Variants in SYNE2 observed in about 807,000 individuals in gnomAD.
The protein encoded by SYNE2 is nesprin-2.
Under a neutral mutation model 856.3 loss-of-function variants are expected in SYNE2, and 431 were observed. The observed-to-expected ratio is 0.50, with a 90% CI of 0.47 to 0.55. SYNE2 has a LOEUF of 0.55. Ranked by LOEUF, SYNE2 falls within the 20% of genes least tolerant of loss-of-function variation. SYNE2 has a pLI of 0.00. For missense variants in SYNE2, 8,129 were observed against 8,023.2 expected, an observed-to-expected ratio of 1.01 and a Z score of -0.50; for synonymous variants, 2,923 against 2,872.3, an observed-to-expected ratio of 1.02 and a Z score of -0.56.
At position 64,225,946 on chromosome 14, in the gene SYNE2, A is replaced by AGGC. The variant is rs2098716772; in HGVS notation, c.*421_*423dup. ...CCCTAGAAATGGTTCAGAAACTCAT[A>AGGC]GGCACCCTTAGCTGATGGAAACAAT... is the stretch of plus-strand genomic sequence containing the variant. On this transcript the variant is annotated 3_prime_UTR_variant, in exon 116 of 116. Coordinates refer to ENST00000555002, the MANE Select transcript of SYNE2 (RefSeq NM_182914.3). 1 of 364,416 alleles carries AGGC rather than the reference A, an allele frequency of 2.7e-6. No individual in the cohort carries two copies. Among genetic ancestry groups the AGGC allele is most frequent in the Non-Finnish European group, 5.0e-6 (1 of 198,906 alleles). The allele number at this position is 364,416 out of a possible 1,614,324, so 22.6% of individuals were successfully genotyped here.
intron 1 of SYNE2, among the ~76,000 whole-genome samples, chr14:63,906,777 CTCTTG>C (rs1439081367): frequency 6.6e-6 from 1 of 152,164 alleles, no homozygotes; most frequent in Non-Finnish European, 1.5e-5. Context: ...AAAAAGTACA[CTCTTG>C]TCTTGTTGAG....
Position 64,155,718 on chromosome 14 carries a change from G to A in SYNE2, c.15793-2907G>A, listed in dbSNP as rs549465503. 5.3e-5 allele frequency among the ~76,000 whole-genome samples: 8 copies of A among 152,308 alleles called. No homozygotes were observed. In the South Asian group the frequency reaches 1.5e-3, roughly 28 times the overall value. On this transcript the variant is annotated intron_variant, in intron 85 of 115. Transcript: ENST00000555002. ...GAGGTAGGAGGATCGCTTGAGGCCA[G>A]GAGTTCAAGAACAGCCTGTGCAACA...
chr14:64,058,704 T>C (rs1470076411), intron 49 of SYNE2, among the ~76,000 whole-genome samples: 1 of 152,118 alleles, frequency 6.6e-6, no homozygotes, highest in African/African-American at 2.4e-5. Context: ...TGGTCTCGAA[T>C]TCCTGACCTC....
intron 78 of SYNE2, among the ~76,000 whole-genome samples, chr14:64,136,555 G>A (rs2098091571): frequency 6.6e-6 from 1 of 152,078 alleles, no homozygotes; most frequent in Non-Finnish European, 1.5e-5. Context: ...TATTTTTTAA[G>A]ATTAAACAGG....
chr14:63,837,379 G>A (rs1419511695), intron 1 of SYNE2, among the ~76,000 whole-genome samples: 1 of 152,050 alleles, frequency 6.6e-6, no homozygotes, highest in Non-Finnish European at 1.5e-5. Context: ...TTGTGACTTT[G>A]GGTCAGGTGA....
At chr14:63,883,290 G>A (rs948674136) in intron 1 of SYNE2, among the ~76,000 whole-genome samples, 1 of 151,650 alleles carries the variant, frequency 6.6e-6, no homozygotes. Flanking sequence ...AACTCCTGAT[G>A]TCAAGTGATC....
chr14:63,801,727 A>G (rs1228104361), intron 1 of SYNE2, among the ~76,000 whole-genome samples: 4 of 151,988 alleles, frequency 2.6e-5, no homozygotes, highest in African/African-American at 4.8e-5. Context: ...AGAAAAGGAT[A>G]ATTCTATTTA....
intron 1 of SYNE2, among the ~76,000 whole-genome samples, chr14:63,790,362 AAAAG>A (rs751865097): frequency 4.6e-5 from 7 of 151,932 alleles, no homozygotes; most frequent in South Asian, 2.1e-4. Context: ...AGGAAAGAAG[AAAAG>A]AAAGAAGGAA....
intron 1 of SYNE2, among the ~76,000 whole-genome samples, chr14:63,901,665 C>T (rs536324208): frequency 2.6e-5 from 4 of 152,354 alleles, no homozygotes; most frequent in African/African-American, 9.6e-5. Flanking sequence ...TTGCTCACAT[C>T]TGTAATCCCA....
chr14:63,994,103 C>G (rs1364624055), intron 22 of SYNE2, 134 bp downstream of exon 22: 4 of 876,630 alleles, frequency 4.6e-6, no homozygotes, highest in East Asian at 2.5e-5. Context: ...GGCTGAAGTC[C>G]CAGGGTTCAT....
intron 68 of SYNE2, 114 bp from the exon 69 acceptor site, chr14:64,121,898 T>C: frequency 7.4e-7 from 1 of 1,360,528 alleles, no homozygotes; most frequent in Non-Finnish European, 1.0e-6. Context: ...AGAGAAATAG[T>C]AATTAATGAT....
intron 65 of SYNE2, among the ~76,000 whole-genome samples, chr14:64,110,815 A>T (rs1284284565): frequency 1.3e-5 from 2 of 151,994 alleles, no homozygotes; most frequent in African/African-American, 4.8e-5. Flanking sequence ...GGGCTGATTG[A>T]ACATTCTGTG....
At chr14:64,173,848 G>T in intron 94 of SYNE2, 1 of 627,908 alleles carries the variant, frequency 1.6e-6, no homozygotes, top group Non-Finnish European at 2.8e-6. Flanking sequence ...CAATTTTAAA[G>T]TTTTTACTTT....
intron 49 of SYNE2, among the ~76,000 whole-genome samples, chr14:64,058,413 A>G (rs2097290163): frequency 1.3e-5 from 2 of 152,076 alleles, no homozygotes; most frequent in African/African-American, 4.8e-5. Flanking sequence ...CTCTGTTATG[A>G]TCTCTTTGAG....
At position 63,876,524 on chromosome 14, in the gene SYNE2, G is replaced by A. The variant is rs574659464; in HGVS notation, c.-52+23381G>A. Among the ~76,000 whole-genome samples the A allele has an allele frequency of 2.0e-4, 29 of 143,696 alleles. 1 individual carries two copies. The South Asian group carries it at 6.4e-3, about 31-fold the overall frequency. 94.3% of individuals were successfully genotyped at this position (143,696 alleles called of 152,430 possible). A position where few individuals can be genotyped will look rare whatever the true frequency, so the allele number is the denominator to read the frequency against. ...TTTTTTTGAGACCGAGTCTCGCTCTGTTGCCCAGGCTGGAGTGCAGTGGCG... is the reference window on the plus strand; with the variant it reads ...TTTTTTTGAGACCGAGTCTCGCTCTATTGCCCAGGCTGGAGTGCAGTGGCG... On this transcript the variant is annotated intron_variant, in intron 1 of 115. Coordinates refer to ENST00000555002, the MANE Select transcript of SYNE2 (RefSeq NM_182914.3).
At chr14:64,170,130 G>T (rs1362466636) in intron 93 of SYNE2, 98 bp from the exon 94 acceptor site, 8 of 1,148,662 alleles carry the variant, frequency 7.0e-6, no homozygotes, top group Non-Finnish European at 1.0e-5. Flanking sequence ...CATGTAAATT[G>T]TACTTATAAA....
At chr14:63,892,817 G>A (rs753086321) in intron 1 of SYNE2, among the ~76,000 whole-genome samples, 1 of 150,314 alleles carries the variant, frequency 6.7e-6, no homozygotes, top group African/African-American at 2.5e-5. Context: ...CAGTCCTCCT[G>A]CCTCAGCCTC....
At position 64,056,226 on chromosome 14, in the gene SYNE2, A is replaced by G. The variant is rs868422789; in HGVS notation, c.10027A>G (p.Met3343Val). 5.6e-6 allele frequency: 9 copies of G among 1,614,126 alleles called. No individual in the cohort carries two copies. Among genetic ancestry groups the G allele is most frequent in the African/African-American group, 2.7e-5 (2 of 75,068 alleles). ...GGAACTAGTTTCTAAGAACTCAGCA[A>G]TGAAGGAAGCTTTCAAAGCACAGGA... The part of the protein sequence containing the change: ...LQELVSKNSA[M>V]KEAFKAQETE... Residue 3343 changes from methionine to valine, a missense_variant, in exon 49 of 116, where the codon ATG becomes GTG. Around this residue, in one of 3 missense-constraint regions of SYNE2, gnomAD observed 5,410 missense variants for 5,284.8 expected, o/e 1.02. Transcript: ENST00000555002.
chr14:64,038,791 C>CA (rs1260025721), intron 45 of SYNE2, among the ~76,000 whole-genome samples: 2 of 152,192 alleles, frequency 1.3e-5, no homozygotes, highest in African/African-American at 4.8e-5. Context: ...CAGATGGCAG[C>CA]AGTACAGTCC....
Sources: gnomAD v4.1 joint callset for allele counts (sites outside exome capture counted in the v4.1 genomes callset) on GRCh38, gnomAD v4.1.1 for gene constraint, gnomAD v4.1.1 regional missense constraint, MANE v1.5 for transcripts, NCBI Gene and HGNC (gene_info 2026-07-23, HGNC 2026-07-21) for gene names.